Variants in CDH4 observed in about 807,000 individuals in gnomAD.
CDH4 encodes cadherin 4.
A neutral mutation model predicts 86.0 loss-of-function variants in CDH4; 33 were observed. The observed-to-expected ratio is 0.38, with a 90% confidence interval of 0.29 to 0.51. The LOEUF is 0.51. Ranked by LOEUF, CDH4 falls within the 20% of genes least tolerant of loss-of-function variation. CDH4 has a pLI of 0.86. For missense variants in CDH4, 1,114 were observed against 1,307.4 expected, an observed-to-expected ratio of 0.85 and a Z score of 2.28; for synonymous variants, 555 against 549.4, an observed-to-expected ratio of 1.01 and a Z score of -0.14.
chr20:61,928,536 C>T (rs2055071831), intron 12 of CDH4, 113 bp downstream of exon 12: 2 of 846,384 alleles, frequency 2.4e-6, no homozygotes, highest in African/African-American at 3.3e-5. Context: ...AGTCCTCCAA[C>T]AGGACTGTCC....
Position 61,623,313 on chromosome 20 carries a change from C to T in CDH4, c.170-120250C>T, listed in dbSNP as rs985962202. On this transcript the variant is annotated intron_variant, in intron 2 of 15. Transcript: ENST00000614565. This position sits in a 1 kb window ranked among gnomAD's most constrained non-coding sequence, Gnocchi z 4.4. The stretch of plus-strand genomic sequence containing the variant: ...TCATCAGCAGACAGCTGCTGGTTTC[C>T]GTGGCTGCCTTCCTAGGGGAGCATG... Among the ~76,000 whole-genome samples, 16 of 152,120 alleles carry T rather than the reference C, an allele frequency of 1.1e-4. No individual in the cohort carries two copies. Among genetic ancestry groups the T allele is most frequent in the Admixed American group, 5.9e-4 (9 of 15,282 alleles).
At chr20:61,288,769 G>A (rs373012678) in intron 2 of CDH4, among the ~76,000 whole-genome samples, 7 of 152,224 alleles carry the variant, frequency 4.6e-5, no homozygotes, top group Non-Finnish European at 7.3e-5. Flanking sequence ...TGACGTTGCC[G>A]GCTGCTCCAC....
At position 61,252,584 on chromosome 20, in the gene CDH4, T is replaced by TCCCGCC. The variant is rs1439349352; in HGVS notation, c.57+21_57+26dup. The TCCCGCC allele has an allele frequency of 5.9e-4, 710 of 1,200,554 alleles. 3 individuals are homozygous for TCCCGCC. In the African/African-American group the frequency reaches 9.5e-3, roughly 16 times the overall value. The allele number at this position is 1,200,554 out of a possible 1,614,324, so 74.4% of individuals were successfully genotyped here. A position where few individuals can be genotyped will look rare whatever the true frequency, so the allele number is the denominator to read the frequency against. ...GGCGCGCTCCGGGTAAGTTGCCGCCTCCCGCCCCCGCCGTTCGGAAGCCCC... is the reference window on the plus strand; with the variant it reads ...GGCGCGCTCCGGGTAAGTTGCCGCCTCCCGCCCCCGCCCCCGCCGTTCGGAAGCCCC... On this transcript the variant is annotated intron_variant, in intron 1 of 15. Transcript: ENST00000614565. The surrounding 1 kb of genome is among the most constrained non-coding windows in gnomAD (Gnocchi z 4.4).
chr20:61,846,801 C>T (rs1982474350), intron 5 of CDH4, among the ~76,000 whole-genome samples: 1 of 152,108 alleles, frequency 6.6e-6, no homozygotes, highest in Middle Eastern at 3.2e-3. Context: ...GGGGTCAGCC[C>T]ACTTCTTCCT....
At chr20:61,889,150 T>C (rs1984673761) in intron 7 of CDH4, among the ~76,000 whole-genome samples, 1 of 152,196 alleles carries the variant, frequency 6.6e-6, no homozygotes, top group African/African-American at 2.4e-5. Context: ...CCCACCTTCC[T>C]TCCTCAACCA....
chr20:61,363,561 G>A (rs1032405808), intron 2 of CDH4, among the ~76,000 whole-genome samples: 1 of 152,216 alleles, frequency 6.6e-6, no homozygotes, highest in Non-Finnish European at 1.5e-5. Context: ...GGGGGATCTG[G>A]CCAAGTCAGG....
At position 61,588,520 on chromosome 20, in the gene CDH4, G is replaced by A. The variant is rs138841643; in HGVS notation, c.170-155043G>A. On this transcript the variant is annotated intron_variant, in intron 2 of 15. Transcript: ENST00000614565. ...TGACCAGTTCCAGACACGAGTAGCC[G>A]TGTTTTACACACTTGGCCAATGACT... is the stretch of plus-strand genomic sequence containing the variant. 4.3e-3 allele frequency among the ~76,000 whole-genome samples: 650 copies of A among 152,304 alleles called. 3 individuals are homozygous for A. Among genetic ancestry groups the A allele is most frequent in the Admixed American group, 0.01 (155 of 15,302 alleles).
intron 2 of CDH4, among the ~76,000 whole-genome samples, chr20:61,711,996 CTG>C (rs2087898651): frequency 6.6e-6 from 1 of 152,144 alleles, no homozygotes; most frequent in South Asian, 2.1e-4. Flanking sequence ...CTGCCCCACT[CTG>C]TGCAGGAGGG....
intron 2 of CDH4, among the ~76,000 whole-genome samples, chr20:61,711,918 C>G (rs1305997056): frequency 6.6e-6 from 1 of 152,104 alleles, no homozygotes; most frequent in Non-Finnish European, 1.5e-5. Context: ...GTGCAAGTGT[C>G]CTGGGGTGTC....
chr20:61,772,358 C>T (rs1337307962), intron 3 of CDH4, among the ~76,000 whole-genome samples: 1 of 152,186 alleles, frequency 6.6e-6, no homozygotes, highest in Non-Finnish European at 1.5e-5. Context: ...TCAGCCTTGT[C>T]AATCTGACAG....
At chr20:61,415,202 C>A (rs1244285602) in intron 2 of CDH4, among the ~76,000 whole-genome samples, 5 of 152,154 alleles carry the variant, frequency 3.3e-5, no homozygotes, top group Admixed American at 2.6e-4. Flanking sequence ...GCCCCCCTAC[C>A]CCAGACCTGC....
intron 4 of CDH4, among the ~76,000 whole-genome samples, chr20:61,777,638 G>T (rs551510789): frequency 0.024 from 2,490 of 101,800 alleles, 120 homozygotes; most frequent in African/African-American, 0.092. Context: ...AAAAACACAC[G>T]TCTACACACG....
intron 6 of CDH4, among the ~76,000 whole-genome samples, chr20:61,863,489 C>T (rs1983417749): frequency 6.6e-6 from 1 of 152,208 alleles, no homozygotes; most frequent in Non-Finnish European, 1.5e-5. Flanking sequence ...GACCGTTCCT[C>T]GGCAGAGGGC....
chr20:61,351,881 T>A (rs139251894), intron 2 of CDH4, among the ~76,000 whole-genome samples: 4,030 of 152,184 alleles, frequency 0.026, 92 homozygotes, highest in South Asian at 0.086. Context: ...CATACCAGGC[T>A]AATTTTTGTA....
intron 2 of CDH4, among the ~76,000 whole-genome samples, chr20:61,591,910 A>G (rs1406820220): frequency 6.8e-6 from 1 of 147,736 alleles, no homozygotes; most frequent in Non-Finnish European, 1.5e-5. Context: ...GGCAGACACA[A>G]ACTTTCCAAA....
intron 4 of CDH4, among the ~76,000 whole-genome samples, chr20:61,785,012 C>T (rs933236483): frequency 1.3e-5 from 2 of 152,174 alleles, no homozygotes; most frequent in Admixed American, 6.5e-5. Flanking sequence ...CAAGCTCACT[C>T]GAGGTCGAAG....
At position 61,297,715 on chromosome 20, in the gene CDH4, C is replaced by G. The variant is rs547932188; in HGVS notation, c.169+42778C>G. Among the ~76,000 whole-genome samples the G allele has an allele frequency of 1.4e-3, 210 of 152,376 alleles. 1 individual carries two copies. Among genetic ancestry groups the G allele is most frequent in the Non-Finnish European group, 9.7e-4 (66 of 68,042 alleles). On this transcript the variant is annotated intron_variant, in intron 2 of 15. Transcript: ENST00000614565. Reference sequence around the variant, plus strand: ...AGGCTGGATTCTGGAGGCCTTGCAGCGCACTTTCCTGCCCTCTCGCGTGTA... The same window carrying G: ...AGGCTGGATTCTGGAGGCCTTGCAGGGCACTTTCCTGCCCTCTCGCGTGTA...
chr20:61,860,187 G>A lies in CDH4; in HGVS notation c.877+7289G>A, dbSNP rs547559193. 7.7e-4 allele frequency among the ~76,000 whole-genome samples: 117 copies of A among 152,348 alleles called. 1 individual carries two copies. Among genetic ancestry groups the A allele is most frequent in the African/African-American group, 2.6e-3 (109 of 41,584 alleles). ...TAATACATTCTGGCTCAAAATATCAGTTCATTTTCCTGACTCCACCAAGGT... is the reference window on the plus strand; with the variant it reads ...TAATACATTCTGGCTCAAAATATCAATTCATTTTCCTGACTCCACCAAGGT... On this transcript the variant is annotated intron_variant, in intron 6 of 15. Transcript: ENST00000614565.
chr20:61,422,996 G>T (rs1205609671), intron 2 of CDH4, among the ~76,000 whole-genome samples: 1 of 152,186 alleles, frequency 6.6e-6, no homozygotes, highest in East Asian at 1.9e-4. Context: ...AAGCTGAGGA[G>T]GTAAGATTTG....
Sources: allele counts gnomAD v4.1 joint callset (sites outside exome capture counted in the v4.1 genomes callset), GRCh38; gene constraint gnomAD v4.1.1; non-coding constraint Gnocchi (gnomAD v3.1); transcripts MANE v1.5; gene names NCBI Gene and HGNC (gene_info 2026-07-23, HGNC 2026-07-21).